MACROD2: variants seen among roughly 807,000 people sequenced by gnomAD.
The protein encoded by MACROD2 is ADP-ribose glycohydrolase MACROD2.
Under a neutral mutation model 70.4 loss-of-function variants are expected in MACROD2, and 36 were observed. That is an observed-to-expected ratio of 0.51 (90% CI 0.39 to 0.68). MACROD2 has a LOEUF of 0.68. Among genes scored for constraint, MACROD2 ranks in the 30% least tolerant of loss-of-function variants. The probability of loss-of-function intolerance (pLI) is 0.00; values close to 1 mark genes in which losing one functional copy is unlikely to be tolerated. For missense variants in MACROD2, 496 were observed against 538.4 expected, an observed-to-expected ratio of 0.92 and a Z score of 0.78; for synonymous variants, 172 against 178.8, an observed-to-expected ratio of 0.96 and a Z score of 0.30.
chr20:14,846,675 G>A (rs1427490926), intron 5 of MACROD2, among the ~76,000 whole-genome samples: 3 of 151,838 alleles, frequency 2.0e-5, no homozygotes, highest in East Asian at 1.9e-4. Context: ...CCGCCACCAC[G>A]CCTGGCTAAT....
chr20:14,875,451 TC>T (rs1483274099), intron 5 of MACROD2, among the ~76,000 whole-genome samples: 1 of 152,148 alleles, frequency 6.6e-6, no homozygotes, highest in Non-Finnish European at 1.5e-5. Flanking sequence ...TTCTCAAAGT[TC>T]CTCTTACTGG....
intron 4 of MACROD2, among the ~76,000 whole-genome samples, chr20:14,660,527 A>C (rs914721425): frequency 6.6e-6 from 1 of 152,112 alleles, no homozygotes; most frequent in Non-Finnish European, 1.5e-5. Flanking sequence ...ATTTTTCTAA[A>C]TTTTTTTGCA....
At chr20:14,271,488 A>G (rs2082195411) in intron 3 of MACROD2, among the ~76,000 whole-genome samples, 1 of 152,214 alleles carries the variant, frequency 6.6e-6, no homozygotes, top group Non-Finnish European at 1.5e-5. Flanking sequence ...CCAAAAACCC[A>G]TCTGCACATC....
At chr20:14,788,895 A>C (rs1040550727) in intron 5 of MACROD2, among the ~76,000 whole-genome samples, 1 of 150,160 alleles carries the variant, frequency 6.7e-6, no homozygotes, top group Non-Finnish European at 1.5e-5. Context: ...CAGCCCCCTG[A>C]GTAGCTAGGA....
chr20:14,851,524 C>G (rs1272611132), intron 5 of MACROD2, among the ~76,000 whole-genome samples: 2 of 152,130 alleles, frequency 1.3e-5, no homozygotes, highest in African/African-American at 4.8e-5. Context: ...ATAAACTATT[C>G]TAGGGTTAAT....
chr20:14,071,252 G>GTGTTTTTTTTTTTTTTTT (rs2053833710), intron 2 of MACROD2, among the ~76,000 whole-genome samples: 1 of 63,936 alleles, frequency 1.6e-5, no homozygotes, highest in African/African-American at 6.3e-5. Context: ...TTCATCTTGT[G>GTGTTTTTTTTTTTTTTTT]TTTTTTTTTT....
At chr20:14,962,668 C>A (rs1326623299) in intron 5 of MACROD2, among the ~76,000 whole-genome samples, 1 of 151,542 alleles carries the variant, frequency 6.6e-6, no homozygotes, top group Non-Finnish European at 1.5e-5. Flanking sequence ...CCTCTTCTTC[C>A]TTTTCTTCAT....
At chr20:14,220,436 A>G (rs1241120433) in intron 3 of MACROD2, among the ~76,000 whole-genome samples, 2 of 152,076 alleles carry the variant, frequency 1.3e-5, no homozygotes, top group Non-Finnish European at 2.9e-5. Context: ...AGGGCTTGAA[A>G]ACCTGCCCCA....
chr20:14,280,461 A>G (rs2082297950), intron 3 of MACROD2, among the ~76,000 whole-genome samples: 1 of 152,218 alleles, frequency 6.6e-6, no homozygotes, highest in Non-Finnish European at 1.5e-5. Context: ...CATTCTGTGA[A>G]AAATGAGTAG....
intron 10 of MACROD2, among the ~76,000 whole-genome samples, chr20:15,891,257 A>G (rs752010943): frequency 3.9e-5 from 6 of 152,188 alleles, no homozygotes; most frequent in Non-Finnish European, 7.3e-5. Flanking sequence ...GTTCTGAGGC[A>G]GGAACCAGCC....
chr20:15,570,728 T>C (rs1169924761), intron 8 of MACROD2, among the ~76,000 whole-genome samples: 2 of 152,162 alleles, frequency 1.3e-5, no homozygotes, highest in Admixed American at 6.5e-5. Flanking sequence ...AGTATTAGAA[T>C]CCTTTCTTGC....
At chr20:14,347,388 G>A (rs930606141) in intron 3 of MACROD2, among the ~76,000 whole-genome samples, 1 of 152,158 alleles carries the variant, frequency 6.6e-6, no homozygotes, top group Non-Finnish European at 1.5e-5. Flanking sequence ...GAAAAAGAAA[G>A]TACGTAGATT....
At chr20:14,890,513 A>C (rs2073741384) in intron 5 of MACROD2, among the ~76,000 whole-genome samples, 1 of 152,062 alleles carries the variant, frequency 6.6e-6, no homozygotes, top group Non-Finnish European at 1.5e-5. Flanking sequence ...CATGCCTGTA[A>C]TTCCAGCAAT....
chr20:16,024,885 T>G (rs898639380), intron 15 of MACROD2, among the ~76,000 whole-genome samples: 6 of 152,238 alleles, frequency 3.9e-5, no homozygotes, highest in African/African-American at 1.4e-4. Context: ...GCTGGGTTTT[T>G]TTCCTCTTTA....
chr20:15,830,790 T>C (rs1437130335), intron 8 of MACROD2, among the ~76,000 whole-genome samples: 1 of 152,248 alleles, frequency 6.6e-6, no homozygotes, highest in Non-Finnish European at 1.5e-5. Flanking sequence ...TCAAATGAGA[T>C]AATATACATC....
intron 8 of MACROD2, among the ~76,000 whole-genome samples, chr20:15,774,943 A>G (rs886325644): frequency 6.6e-6 from 1 of 152,064 alleles, no homozygotes; most frequent in Non-Finnish European, 1.5e-5. Context: ...GCCATATCCT[A>G]TGTGGAAATT....
At chr20:14,956,949 T>C (rs1295202605) in intron 5 of MACROD2, among the ~76,000 whole-genome samples, 2 of 152,162 alleles carry the variant, frequency 1.3e-5, no homozygotes, top group African/African-American at 2.4e-5. Context: ...TTCAAGATAT[T>C]TCCTGCCTGC....
At chr20:15,506,180 G>A (rs2047424001) in intron 8 of MACROD2, among the ~76,000 whole-genome samples, 1 of 152,144 alleles carries the variant, frequency 6.6e-6, no homozygotes, top group Non-Finnish European at 1.5e-5. Flanking sequence ...GACAAAATTA[G>A]CTTTGAGTTC....
chr20:15,117,426 C>T (rs1447926664), intron 5 of MACROD2, among the ~76,000 whole-genome samples: 1 of 152,140 alleles, frequency 6.6e-6, no homozygotes, highest in Admixed American at 6.5e-5. Flanking sequence ...TGGAACTGAA[C>T]ATGGTCCTTT....
Sources: gnomAD v4.1 joint callset for allele counts (sites outside exome capture counted in the v4.1 genomes callset) on GRCh38, gnomAD v4.1.1 for gene constraint, MANE v1.5 for transcripts, NCBI Gene and HGNC (gene_info 2026-07-23, HGNC 2026-07-21) for gene names.